NEBL: variants seen among roughly 807,000 people sequenced by gnomAD.
The protein encoded by NEBL is nebulette.
Under a neutral mutation model 140.2 loss-of-function variants are expected in NEBL, and 122 were observed. The ratio of observed to expected loss-of-function variants is 0.87; its 90% CI spans 0.75 to 1.01. The LOEUF is 1.01. NEBL is among the 50% of genes least tolerant of loss of function. The pLI is 0.00. For missense variants in NEBL, 1,365 were observed against 1,231.3 expected (o/e 1.11, Z -1.62); for synonymous variants, 436 against 398.9 (o/e 1.09, Z -1.11).
At chr10:21,200,174 C>T (rs150656830) in intron 3 of NEBL, among the ~76,000 whole-genome samples, 5 of 152,156 alleles carry the variant, frequency 3.3e-5, no homozygotes, top group East Asian at 3.9e-4. Flanking sequence ...AAAGAGCATG[C>T]GGCCCCCACT....
At chr10:20,979,963 G>A (rs1836965503) in intron 3 of NEBL, among the ~76,000 whole-genome samples, 1 of 151,348 alleles carries the variant, frequency 6.6e-6, no homozygotes, top group African/African-American at 2.4e-5. Context: ...AAATCACTGA[G>A]ATTACAGAAG....
chr10:21,289,627 G>GT (rs1300396482), intron 1 of NEBL, among the ~76,000 whole-genome samples: 1 of 152,118 alleles, frequency 6.6e-6, no homozygotes, highest in Non-Finnish European at 1.5e-5. Context: ...AGCACCCAGC[G>GT]TGTGTTAATC....
intron 2 of NEBL, among the ~76,000 whole-genome samples, chr10:21,091,223 T>C (rs1836897234): frequency 6.6e-6 from 1 of 152,220 alleles, no homozygotes; most frequent in Admixed American, 6.5e-5. Flanking sequence ...ACTTTAAATG[T>C]CTACACATGC....
In NEBL at chr10:20,782,379, C is replaced by T. The variant is rs957414117; in HGVS notation, c.*3368G>A. 6.6e-6 allele frequency: 1 copy of T among 152,610 alleles called. No individual in the cohort carries two copies. The highest frequency in any genetic ancestry group is 2.4e-5 in the African/African-American group (1 of 41,440). 9.5% of individuals were successfully genotyped at this position (152,610 alleles called of 1,614,324 possible). A position where few individuals can be genotyped will look rare whatever the true frequency, so the allele number is the denominator to read the frequency against. ...GGGATGTGTTATTAAAGATCACACA[C>T]ATTTTCTTCATCTTTTATTGAAAAC... On this transcript the variant is annotated 3_prime_UTR_variant, in exon 28 of 28. Transcript: ENST00000377122.
intron 4 of NEBL, among the ~76,000 whole-genome samples, chr10:20,933,786 G>A (rs1712476720): frequency 6.6e-6 from 1 of 152,088 alleles, no homozygotes. Context: ...AAGCCTCACG[G>A]TTTGGTGAAT....
intron 17 of NEBL, among the ~76,000 whole-genome samples, chr10:20,827,023 A>C (rs1367473672): frequency 6.6e-6 from 1 of 152,184 alleles, no homozygotes; most frequent in Non-Finnish European, 1.5e-5. Flanking sequence ...TGTTAATTTC[A>C]AGTCTATCTT....
intron 4 of NEBL, among the ~76,000 whole-genome samples, chr10:20,909,284 C>T (rs973675778): frequency 6.6e-6 from 1 of 151,524 alleles, no homozygotes; most frequent in Non-Finnish European, 1.5e-5. Flanking sequence ...TCCTACCTCC[C>T]CACCACCACC....
upstream of NEBL, among the ~76,000 whole-genome samples, chr10:20,900,323 C>A (rs528984659): frequency 6.6e-6 from 1 of 152,294 alleles, no homozygotes; most frequent in East Asian, 1.9e-4. Context: ...ATTATTCAAC[C>A]CCTCACTACC....
At chr10:20,912,881 CTTTT>C (rs397847147) in intron 4 of NEBL, among the ~76,000 whole-genome samples, 1 of 117,850 alleles carries the variant, frequency 8.5e-6, no homozygotes. Context: ...TATGCCAATT[CTTTT>C]TTTTTTTTTT....
intron 2 of NEBL, among the ~76,000 whole-genome samples, chr10:21,040,571 C>G (rs993385510): frequency 6.6e-6 from 1 of 152,174 alleles, no homozygotes; most frequent in Admixed American, 6.5e-5. Context: ...CGAGAACTCA[C>G]TCATTACCAT....
At chr10:21,204,138 C>G (rs188756677) in intron 3 of NEBL, among the ~76,000 whole-genome samples, 1 of 152,096 alleles carries the variant, frequency 6.6e-6, no homozygotes, top group South Asian at 2.1e-4. Context: ...ACAGGTTACC[C>G]CTGTGAGCAC....
intron 3 of NEBL, among the ~76,000 whole-genome samples, chr10:21,004,118 G>A (rs1053218534): frequency 6.6e-6 from 1 of 152,166 alleles, no homozygotes; most frequent in Non-Finnish European, 1.5e-5. Flanking sequence ...TTGAGCATCA[G>A]ATTGTTGATT....
At chr10:20,805,810 G>A (rs1050961022) in intron 26 of NEBL, among the ~76,000 whole-genome samples, 1 of 151,322 alleles carries the variant, frequency 6.6e-6, no homozygotes, top group African/African-American at 2.4e-5. Flanking sequence ...CCAAGATCAC[G>A]TTACTGCACT....
rs377105922 is a variant in NEBL, at chr10:20,875,219, TTC to T, written c.481-5380_481-5379del. 3.6e-3 allele frequency among the ~76,000 whole-genome samples: 547 copies of T among 152,314 alleles called. 2 individuals carry two copies. Among genetic ancestry groups the T allele is most frequent in the African/African-American group, 0.013 (531 of 41,580 alleles). ...TGTTCTCTCCTTATAATCCTCCCAC[TTC>T]TGTTTCATAAGAGCCATGTCTTTTG... On this transcript the variant is annotated intron_variant, in intron 5 of 27. Transcript: ENST00000377122.
chr10:20,948,586 T>C (rs1379717344), intron 4 of NEBL, among the ~76,000 whole-genome samples: 1 of 151,906 alleles, frequency 6.6e-6, no homozygotes, highest in East Asian at 1.9e-4. Flanking sequence ...TTGGAGAAAA[T>C]GAGGGGAATA....
At chr10:21,044,225 C>A (rs1834398142) in intron 2 of NEBL, among the ~76,000 whole-genome samples, 1 of 151,860 alleles carries the variant, frequency 6.6e-6, no homozygotes, top group Non-Finnish European at 1.5e-5. Context: ...GGTGAAACCC[C>A]ATCTCTACCG....
At chr10:20,867,234 T>G (rs1293757387) in intron 7 of NEBL, among the ~76,000 whole-genome samples, 1 of 152,186 alleles carries the variant, frequency 6.6e-6, no homozygotes, top group African/African-American at 2.4e-5. Flanking sequence ...GCTTTTAACA[T>G]TAACTTTGAA....
intron 23 of NEBL, 111 bp downstream of exon 23, chr10:20,813,828 C>T (rs1229436227): frequency 1.3e-6 from 1 of 770,776 alleles, no homozygotes; most frequent in African/African-American, 1.7e-5. Flanking sequence ...GACAAGCCAA[C>T]CACATTTCCA....
intron 6 of NEBL, among the ~76,000 whole-genome samples, chr10:20,869,107 C>T (rs12268690): frequency 2.0e-5 from 3 of 152,144 alleles, no homozygotes; most frequent in East Asian, 1.9e-4. Flanking sequence ...TTTATAGTTT[C>T]GTTTATTCTC....
Sources: allele counts gnomAD v4.1 joint callset (sites outside exome capture counted in the v4.1 genomes callset), GRCh38; gene constraint gnomAD v4.1.1; transcripts MANE v1.5; gene names NCBI Gene and HGNC (gene_info 2026-07-23, HGNC 2026-07-21).